Variants in HS3ST1 observed in about 807,000 individuals in gnomAD.
HS3ST1 encodes the protein heparan sulfate-glucosamine 3-sulfotransferase 1, also known as heparan sulfate glucosamine 3-O-sulfotransferase 1.
In HS3ST1, 8 loss-of-function variants were observed where a neutral mutation model predicts 20.7. That is an observed-to-expected ratio of 0.39 (90% CI 0.23 to 0.70). The LOEUF is 0.70. Among genes scored for constraint, HS3ST1 ranks in the 30% least tolerant of loss-of-function variants. The probability of loss-of-function intolerance (pLI) is 0.46; values close to 1 mark genes in which losing one functional copy is unlikely to be tolerated. For missense variants in HS3ST1, 436 were observed against 423.4 expected (o/e 1.03, Z -0.26); for synonymous variants, 205 against 190.4 (o/e 1.08, Z -0.63).
At chr4:11,426,564 A>G (rs1448873402) in intron 1 of HS3ST1, among the ~76,000 whole-genome samples, 4 of 152,192 alleles carry the variant, frequency 2.6e-5, no homozygotes, top group African/African-American at 9.6e-5. Flanking sequence ...TCTCAGAACA[A>G]AAATCTCCTA....
At chr4:11,427,953 A>T (rs1719103748) in intron 1 of HS3ST1, among the ~76,000 whole-genome samples, 1 of 152,224 alleles carries the variant, frequency 6.6e-6, no homozygotes, top group Non-Finnish European at 1.5e-5. Flanking sequence ...AGCTCCGCGA[A>T]TAAGACCCTT....
At chr4:11,433,120 AG>A (rs1217435670), upstream of HS3ST1, among the ~76,000 whole-genome samples, 2 of 152,252 alleles carry the variant, frequency 1.3e-5, no homozygotes, top group African/African-American at 4.8e-5. Flanking sequence ...ATTAGTATAA[AG>A]GTGAGTATAT....
intron 1 of HS3ST1, among the ~76,000 whole-genome samples, chr4:11,426,883 A>G (rs1719074446): frequency 6.6e-6 from 1 of 152,210 alleles, no homozygotes; most frequent in Admixed American, 6.5e-5. Context: ...TGTGGGGGAA[A>G]ATCTAAGCGC....
chr4:11,431,509 C>A (rs932671949), upstream of HS3ST1, among the ~76,000 whole-genome samples: 7 of 152,062 alleles, frequency 4.6e-5, no homozygotes, highest in African/African-American at 1.7e-4. Flanking sequence ...AGTATGTGTA[C>A]AACACTATGC....
intron 1 of HS3ST1, among the ~76,000 whole-genome samples, chr4:11,427,485 GAC>G (rs1023315623): frequency 1.1e-4 from 17 of 152,238 alleles, no homozygotes. Flanking sequence ...GCAGCGCAAA[GAC>G]AGTGGATTTG....
At position 11,399,014 on chromosome 4, in the gene HS3ST1, T is replaced by C. The variant is rs1299368368; in HGVS notation, c.*68A>G. On this transcript the variant is annotated 3_prime_UTR_variant, in exon 2 of 2. Transcript: ENST00000002596. This position sits in a 1 kb window ranked among gnomAD's most constrained non-coding sequence, Gnocchi z 5.1. ...TTATACCTTAAATGCTTTTTTAAAA[T>C]TCTTTTTCCCCTCAGATGTACACCA... The C allele has an allele frequency of 1.5e-6, 2 of 1,358,924 alleles. No individual in the cohort carries two copies. Among genetic ancestry groups the C allele is most frequent in the African/African-American group, 1.5e-5 (1 of 68,348 alleles). The allele number at this position is 1,358,924 out of a possible 1,614,324, so 84.2% of individuals were successfully genotyped here.
At chr4:11,422,060 C>T (rs939519387) in intron 1 of HS3ST1, among the ~76,000 whole-genome samples, 3 of 152,204 alleles carry the variant, frequency 2.0e-5, no homozygotes, top group African/African-American at 2.4e-5. Flanking sequence ...TGCTTTTGCA[C>T]AAGCAGACCA....
At chr4:11,415,025 C>T (rs1245472200) in intron 1 of HS3ST1, among the ~76,000 whole-genome samples, 2 of 152,098 alleles carry the variant, frequency 1.3e-5, no homozygotes, top group African/African-American at 2.4e-5. Context: ...CACTGCCAAT[C>T]CAATGAGATG....
chr4:11,429,146 C>CTGGTCGGGTAG (rs1472044039), upstream of HS3ST1: 1 of 152,422 alleles, frequency 6.6e-6, no homozygotes. Flanking sequence ...GCTCCAGCGG[C>CTGGTCGGGTAG]TGGTCGGGTA....
intron 1 of HS3ST1, among the ~76,000 whole-genome samples, chr4:11,408,797 G>A (rs1474130604): frequency 1.3e-5 from 2 of 152,206 alleles, no homozygotes; most frequent in African/African-American, 2.4e-5. Context: ...TAGCAGACAG[G>A]AGACAGGACC....
At chr4:11,425,746 C>T (rs1719044459) in intron 1 of HS3ST1, among the ~76,000 whole-genome samples, 1 of 152,192 alleles carries the variant, frequency 6.6e-6, no homozygotes, top group African/African-American at 2.4e-5. Flanking sequence ...TATACATTTT[C>T]TCACTTTCTT....
At position 11,399,084 on chromosome 4, in the gene HS3ST1, A is replaced by G. The variant is rs1206575280; in HGVS notation, c.922T>C (p.Ter308ArgextTer5). The change falls in exon 2 of 2, where the codon TGA becomes CGA. Residue 308 changes from the stop codon to arginine (R), a stop_lost. Transcript: ENST00000002596. The surrounding 1 kb of genome is among the most constrained non-coding windows in gnomAD (Gnocchi z 5.1). ...ELVGRTFDWH[*>R] ...TTCTGAGCTTAGCTTATTGCAAATC[A>G]GTGCCAGTCAAATGTTCTGCCAACA... 1 of 1,608,338 alleles carries G rather than the reference A, an allele frequency of 6.2e-7. No homozygotes were observed. The highest frequency in any genetic ancestry group is 8.5e-7 in the Non-Finnish European group (1 of 1,175,496).
chr4:11,426,364 C>CT (rs1553858480), intron 1 of HS3ST1, among the ~76,000 whole-genome samples: 2 of 43,158 alleles, frequency 4.6e-5, no homozygotes, highest in Non-Finnish European at 7.9e-5. Flanking sequence ...CCTTCAGAGG[C>CT]CCCCCCCCCA....
chr4:11,402,880 A>C (rs1465869926), intron 1 of HS3ST1, among the ~76,000 whole-genome samples: 1 of 152,250 alleles, frequency 6.6e-6, no homozygotes, highest in East Asian at 1.9e-4. Flanking sequence ...GACAGTAGAG[A>C]AGAAACTAAA....
At position 11,399,872 on chromosome 4, in the gene HS3ST1, A is replaced by G. The variant is rs765388534; in HGVS notation, c.134T>C (p.Val45Ala). The G allele has an allele frequency of 1.9e-6, 3 of 1,612,322 alleles. No individual in the cohort carries two copies. The South Asian group carries it at 3.3e-5, about 18-fold the overall frequency. Reference sequence around the variant, plus strand: ...CTGCTGGGCAGAGCCGTTTGGGGCCACGCCATCGCGGACGTCATCCTGGAG... The same window carrying G: ...CTGCTGGGCAGAGCCGTTTGGGGCCGCGCCATCGCGGACGTCATCCTGGAG... ...GTLQDDVRDG[V>A]APNGSAQQLP... The change falls in exon 2 of 2, where the codon GTG becomes GCG. Residue 45 changes from valine to alanine, a missense_variant. Val to Ala is a moderately conservative substitution (Grantham distance 64, BLOSUM62 0). Transcript: ENST00000002596. The surrounding 1 kb of genome is among the most constrained non-coding windows in gnomAD (Gnocchi z 5.1).
At chr4:11,411,377 G>T (rs1430025103) in intron 1 of HS3ST1, among the ~76,000 whole-genome samples, 1 of 152,144 alleles carries the variant, frequency 6.6e-6, no homozygotes, top group Non-Finnish European at 1.5e-5. Flanking sequence ...ACACACCACT[G>T]TGATTTCCAT....
At chr4:11,407,127 A>G (rs1302225973) in intron 1 of HS3ST1, among the ~76,000 whole-genome samples, 2 of 152,216 alleles carry the variant, frequency 1.3e-5, no homozygotes, top group African/African-American at 4.8e-5. Context: ...ATACATGTCA[A>G]TCTTCAACAA....
Position 11,398,255 on chromosome 4 carries a change from C to T in HS3ST1, c.*827G>A, listed in dbSNP as rs753669930. On this transcript the variant is annotated 3_prime_UTR_variant, in exon 2 of 2. Transcript: ENST00000002596. ...CCTTTTAGTCAGCCTTTCACAGAAC[C>T]GACAGGATGAAGACACGCATAGATT... 3 of 152,162 alleles carry T rather than the reference C, an allele frequency of 2.0e-5. No individual in the cohort carries two copies. Among genetic ancestry groups the T allele is most frequent in the South Asian group, 2.1e-4 (1 of 4,824 alleles). The allele number at this position is 152,162 out of a possible 1,614,324, so 9.4% of individuals were successfully genotyped here. A position where few individuals can be genotyped will look rare whatever the true frequency, so the allele number is the denominator to read the frequency against.
At chr4:11,425,335 G>C (rs1719034017) in intron 1 of HS3ST1, among the ~76,000 whole-genome samples, 1 of 152,130 alleles carries the variant, frequency 6.6e-6, no homozygotes, top group African/African-American at 2.4e-5. Flanking sequence ...TTCCCCAGTG[G>C]AGTCACTCCC....
Sources: gnomAD v4.1 joint callset for allele counts (sites outside exome capture counted in the v4.1 genomes callset) on GRCh38, gnomAD v4.1.1 for gene constraint, Gnocchi (gnomAD v3.1) non-coding constraint, MANE v1.5 for transcripts, NCBI Gene and HGNC (gene_info 2026-07-23, HGNC 2026-07-21) for gene names.